MUC17: variants seen among roughly 807,000 people sequenced by gnomAD.
MUC17 encodes mucin-17.
In MUC17, 190 loss-of-function variants were observed where a neutral mutation model predicts 170.3. The observed-to-expected ratio is 1.12, with a 90% CI of 0.99 to 1.26. The LOEUF (loss-of-function observed/expected upper bound fraction) is 1.26, where lower values mean the gene tolerates loss of function less well. Among genes scored for constraint, MUC17 ranks in the 50% most tolerant of loss-of-function variants. The pLI is 0.00. For synonymous variants in MUC17, 2,325 were observed against 2,002.5 expected, an observed-to-expected ratio of 1.16 and a Z score of -4.30; for missense variants, 6,415 against 5,530.0, an observed-to-expected ratio of 1.16 and a Z score of -5.08.
At chr7:101,044,079 G>C (rs1794791473) in intron 3 of MUC17, among the ~76,000 whole-genome samples, 1 of 152,178 alleles carries the variant, frequency 6.6e-6, no homozygotes, top group South Asian at 2.1e-4. Flanking sequence ...CTATGAGTGA[G>C]AACATTTGGT....
At position 101,039,012 on chromosome 7, in the gene MUC17, T is replaced by G. The variant is rs1324640989; in HGVS notation, c.7596T>G (p.Ala2532=). Residue 2532 remains alanine, a synonymous_variant, in exon 3 of 13, where the codon GCT becomes GCG. Transcript: ENST00000306151. The part of the protein sequence containing the change: ...VSTTPVASPE[A]STLSTTPVDS... Reference sequence around the variant, plus strand: ...CCACGCCAGTGGCCAGTCCTGAGGCTAGCACCCTTTCAACAACTCCTGTTG... The same window carrying G: ...CCACGCCAGTGGCCAGTCCTGAGGCGAGCACCCTTTCAACAACTCCTGTTG... 6.2e-7 allele frequency: 1 copy of G among 1,613,958 alleles called. No individual in the cohort carries two copies. Among genetic ancestry groups the G allele is most frequent in the African/African-American group, 1.3e-5 (1 of 74,912 alleles).
At position 101,039,543 on chromosome 7, in the gene MUC17, T is replaced by G. The variant is rs554891169; in HGVS notation, c.8127T>G (p.Ala2709=). The G allele has an allele frequency of 4.0e-5, 64 of 1,612,484 alleles. 2 individuals carry two copies. The Middle Eastern group carries it at 1.2e-3, about 29-fold the overall frequency. The change falls in exon 3 of 13, where the codon GCT becomes GCG. Residue 2709 remains alanine (A), a synonymous_variant. Coordinates refer to ENST00000306151, the MANE Select transcript of MUC17 (RefSeq NM_001040105.2). ...CCACGCTGTTGGCCAATTCTGAGGC[T>G]AGCACCCTTTCAACAACTCCTGTTG... ...VSTTLLANSE[A]STLSTTPVDT...
Position 101,043,682 on chromosome 7 carries a change from T to C in MUC17, c.12266T>C (p.Val4089Ala). ...TCCACGACTGTGAACCCTGAGGCTGTCACCACCATGACCACCAGGACAAAA... is the reference window on the plus strand; with the variant it reads ...TCCACGACTGTGAACCCTGAGGCTGCCACCACCATGACCACCAGGACAAAA... Reference protein sequence around the residue: ...ASSTTVNPEAVTTMTTRTKPS... With the variant: ...ASSTTVNPEAATTMTTRTKPS... Residue 4089 changes from valine to alanine, a missense_variant, in exon 3 of 13, where the codon GTC (valine) becomes GCC (alanine). Coordinates refer to ENST00000306151, the MANE Select transcript of MUC17 (RefSeq NM_001040105.2). 1 of 1,614,108 alleles carries C rather than the reference T, an allele frequency of 6.2e-7. No individual in the cohort carries two copies. Among genetic ancestry groups the C allele is most frequent in the Non-Finnish European group, 8.5e-7 (1 of 1,180,034 alleles).
At position 101,039,180 on chromosome 7, in the gene MUC17, T is replaced by C. The variant is rs760590706; in HGVS notation, c.7764T>C (p.Ser2588=). The change falls in exon 3 of 13, where the codon AGT becomes AGC. Residue 2588 remains serine, a synonymous_variant. Coordinates refer to ENST00000306151, the MANE Select transcript of MUC17 (RefSeq NM_001040105.2). ...SMPVSTKPLA[S]SEASTLSTTP... ...CTGTCAGCACCAAGCCGTTGGCCAG[T>C]TCTGAGGCTAGCACTCTTTCAACAA... 2.5e-6 allele frequency: 4 copies of C among 1,613,852 alleles called. No homozygotes were observed. The highest frequency in any genetic ancestry group is 2.7e-5 in the African/African-American group (2 of 75,004).
chr7:101,039,303 T>G lies in MUC17; in HGVS notation c.7887T>G (p.Ser2629Arg). ...CCAGCATGCCAATCTCAACTCCTAG[T>G]GAAGTAAGTACTTCATTAACAAGTA... ...KDTSMPISTP[S>R]EVSTSLTSIL... Residue 2629 changes from serine to arginine, a missense_variant, in exon 3 of 13, where the codon AGT (serine) becomes AGG (arginine). Transcript: ENST00000306151. The G allele has an allele frequency of 2.5e-6, 4 of 1,613,222 alleles. No individual in the cohort carries two copies. The highest frequency in any genetic ancestry group is 3.4e-6 in the Non-Finnish European group (4 of 1,179,652).
chr7:101,058,201 C>A lies in MUC17; in HGVS notation c.*157C>A. On this transcript the variant is annotated 3_prime_UTR_variant, in exon 13 of 13. Coordinates refer to ENST00000306151, the MANE Select transcript of MUC17 (RefSeq NM_001040105.2). ...TACCAAGGAGAAAGAGGAGAGACAG[C>A]AGTGCTGGGAGATTCTCAAATAGAA... is the stretch of plus-strand genomic sequence containing the variant. 5.0e-6 allele frequency: 3 copies of A among 599,234 alleles called. No individual in the cohort carries two copies. The highest frequency in any genetic ancestry group is 2.3e-5 in the South Asian group (1 of 42,854). The allele number at this position is 599,234 out of a possible 1,614,324, so 37.1% of individuals were successfully genotyped here.
In MUC17 at chr7:101,031,915, G is replaced by A. The variant is rs772827847; in HGVS notation, c.499G>A (p.Ala167Thr). 1.2e-6 allele frequency: 2 copies of A among 1,613,880 alleles called. No individual in the cohort carries two copies. The highest frequency in any genetic ancestry group is 1.7e-6 in the Non-Finnish European group (2 of 1,180,032). ...ISSTMAFVST[A>T]PLPSFEAYTS... The stretch of plus-strand genomic sequence containing the variant: ...ATCAACAATGGCTTTTGTCAGCACT[G>A]CACCTCTTCCCAGTTTTGAGGCCTA... Residue 167 changes from alanine to threonine, a missense_variant, in exon 3 of 13, where the codon GCA (alanine) becomes ACA (threonine). Physicochemically the swap from Ala to Thr is moderately conservative, Grantham distance 58 (BLOSUM62 0). Transcript: ENST00000306151.
chr7:101,054,057 C>CAAAAAAAAAA (rs58623975), intron 11 of MUC17, among the ~76,000 whole-genome samples: 10 of 40,382 alleles, frequency 2.5e-4, no homozygotes, highest in South Asian at 2.1e-3. Context: ...AAGACCCTGT[C>CAAAAAAAAAA]AAAAAAAAAA....
Position 101,058,236 on chromosome 7 carries a change from C to A in MUC17, c.*192C>A, listed in dbSNP as rs979598830. The A allele has an allele frequency of 1.1e-5, 5 of 473,732 alleles. No individual in the cohort carries two copies. The highest frequency in any genetic ancestry group is 1.9e-5 in the Non-Finnish European group (5 of 263,776). The allele number at this position is 473,732 out of a possible 1,614,324, so 29.3% of individuals were successfully genotyped here. On this transcript the variant is annotated 3_prime_UTR_variant, in exon 13 of 13. Transcript: ENST00000306151. ...AGATTCTCAAATAGAAACCCGTGGA[C>A]GCTCCAATGGGCTTGTCATGATATC...
At chr7:101,028,799 A>C (rs1276803073) in intron 1 of MUC17, among the ~76,000 whole-genome samples, 1 of 151,894 alleles carries the variant, frequency 6.6e-6, no homozygotes, top group Non-Finnish European at 1.5e-5. Flanking sequence ...GAAGTGGAAG[A>C]ATTGCTTGAG....
chr7:101,041,965 A>C lies in MUC17; in HGVS notation c.10549A>C (p.Thr3517Pro). 2 of 1,612,360 alleles carry C rather than the reference A, an allele frequency of 1.2e-6. No homozygotes were observed. The highest frequency in any genetic ancestry group is 1.7e-6 in the Non-Finnish European group (2 of 1,179,566). ...MPTSTAGEGS[T>P]PLTNMPVSTT... ...AACATCAACTGCTGGTGAAGGAAGC[A>C]CTCCATTAACAAATATGCCTGTCAG... is the stretch of plus-strand genomic sequence containing the variant. Residue 3517 changes from threonine (T) to proline (P), a missense_variant, in exon 3 of 13, where the codon ACT becomes CCT. Coordinates refer to ENST00000306151, the MANE Select transcript of MUC17 (RefSeq NM_001040105.2).
At position 101,032,370 on chromosome 7, in the gene MUC17, G is replaced by A. The variant is rs775661782; in HGVS notation, c.954G>A (p.Thr318=). 3.1e-6 allele frequency: 5 copies of A among 1,599,776 alleles called. No individual in the cohort carries two copies. In the Admixed American group the frequency reaches 5.1e-5, roughly 16 times the overall value. The change falls in exon 3 of 13, where the codon ACG becomes ACA. Residue 318 remains threonine (T), a synonymous_variant. Coordinates refer to ENST00000306151, the MANE Select transcript of MUC17 (RefSeq NM_001040105.2). ...TSTEASSSPT[T]AEGTSIPTST... ...CTGAAGCCAGTTCATCTCCTACAAC[G>A]GCTGAAGGCACCAGCATACCAACCT...
In MUC17 at chr7:101,020,087, G is replaced by A. The variant is rs372449714; in HGVS notation, c.-49G>A. 98 of 1,517,410 alleles carry A rather than the reference G, an allele frequency of 6.5e-5. No homozygotes were observed. The highest frequency in any genetic ancestry group is 8.4e-5 in the Non-Finnish European group (94 of 1,123,140). 94.0% of individuals were successfully genotyped at this position (1,517,410 alleles called of 1,614,324 possible). On this transcript the variant is annotated 5_prime_UTR_variant, in exon 1 of 13. Transcript: ENST00000306151. ...AGTTTCCTTCTCTGAGGCTCATTTC[G>A]CCAGCTCCTCTGGGGGTGACAGGCA...
intron 11 of MUC17, among the ~76,000 whole-genome samples, chr7:101,054,303 C>T (rs538927900): frequency 5.3e-5 from 8 of 151,890 alleles, no homozygotes; most frequent in East Asian, 1.9e-4. Flanking sequence ...GATTAGTGCT[C>T]GGGAGTGGGT....
Position 101,050,567 on chromosome 7 carries a change from C to T in MUC17, c.12806C>T (p.Thr4269Ile), listed in dbSNP as rs142974267. The T allele has an allele frequency of 3.9e-4, 632 of 1,614,104 alleles. 2 individuals carry two copies. In the African/African-American group the frequency reaches 7.7e-3, roughly 20 times the overall value. Residue 4269 changes from threonine to isoleucine, a missense_variant, in exon 7 of 13, where the codon ACC becomes ATC. Thr to Ile is a moderately conservative substitution (Grantham distance 89). Coordinates refer to ENST00000306151, the MANE Select transcript of MUC17 (RefSeq NM_001040105.2). Reference protein sequence around the residue: ...PEYKTVLDNATEVVKEKITKV... With the variant: ...PEYKTVLDNAIEVVKEKITKV... ...TACAAGACAGTATTGGACAATGCCA[C>T]CGAAGTAGTGAAAGAGAAAATCACA...
Position 101,038,555 on chromosome 7 carries a change from C to A in MUC17, c.7139C>A (p.Thr2380Lys). The A allele has an allele frequency of 6.2e-7, 1 of 1,614,156 alleles. No individual in the cohort carries two copies. Among genetic ancestry groups the A allele is most frequent in the Non-Finnish European group, 8.5e-7 (1 of 1,180,008 alleles). Residue 2380 changes from threonine (T) to lysine (K), a missense_variant, in exon 3 of 13, where the codon ACA becomes AAA. Thr to Lys is a moderately conservative substitution (Grantham distance 78). Transcript: ENST00000306151. ...TATTCTCAAGCCGGTTCATCTCCTA[C>A]AACTGCTGACGATACTAGCATGCCA... Reference protein sequence around the residue: ...TTYSQAGSSPTTADDTSMPTS... With the variant: ...TTYSQAGSSPKTADDTSMPTS...
Position 101,037,653 on chromosome 7 carries a change from T to C in MUC17, c.6237T>C (p.Thr2079=). 1.2e-6 allele frequency: 2 copies of C among 1,613,604 alleles called. No homozygotes were observed. ...CCAAAACTCAGGTGACCAATTCTAC[T>C]GAAGCCAGTTCATCTGCAACCGCTG... ...VDSKTQVTNS[T]EASSSATAEG... The change falls in exon 3 of 13, where the codon ACT becomes ACC. Residue 2079 remains threonine (T), a synonymous_variant. Transcript: ENST00000306151.
At chr7:101,029,625 G>A (rs1402781081) in intron 1 of MUC17, among the ~76,000 whole-genome samples, 1 of 151,752 alleles carries the variant, frequency 6.6e-6, no homozygotes, top group Non-Finnish European at 1.5e-5. Context: ...TTGAGACAGA[G>A]TCTCGCTCTG....
At position 101,038,937 on chromosome 7, in the gene MUC17, C is replaced by T. The variant is rs145635697; in HGVS notation, c.7521C>T (p.Ile2507=). The T allele has an allele frequency of 6.2e-7, 1 of 1,614,114 alleles. No homozygotes were observed. Among genetic ancestry groups the T allele is most frequent in the Non-Finnish European group, 8.5e-7 (1 of 1,180,014 alleles). The change falls in exon 3 of 13, where the codon ATC becomes ATT. Residue 2507 remains isoleucine (I), a synonymous_variant. Transcript: ENST00000306151. ...PTTAEDIVVP[I]STASEGSTLL... ...CTGCTGAAGATATCGTCGTGCCAATCTCAACTGCTAGTGAAGGAAGTACTC... is the reference window on the plus strand; with the variant it reads ...CTGCTGAAGATATCGTCGTGCCAATTTCAACTGCTAGTGAAGGAAGTACTC...
Sources: allele counts gnomAD v4.1 joint callset (sites outside exome capture counted in the v4.1 genomes callset), GRCh38; gene constraint gnomAD v4.1.1; transcripts MANE v1.5; gene names NCBI Gene and HGNC (gene_info 2026-07-23, HGNC 2026-07-21).